TMEM161B: variants seen among roughly 807,000 people sequenced by gnomAD.
TMEM161B encodes transmembrane protein 161B.
A neutral mutation model predicts 61.8 loss-of-function variants in TMEM161B; 34 were observed. That is an observed-to-expected ratio of 0.55 (90% CI 0.42 to 0.73). The LOEUF (loss-of-function observed/expected upper bound fraction) is 0.73, where lower values mean the gene tolerates loss of function less well. Among genes scored for constraint, TMEM161B ranks in the 30% least tolerant of loss-of-function variants. The pLI is 0.00. For missense variants in TMEM161B, 456 were observed against 558.5 expected, an observed-to-expected ratio of 0.82 and a Z score of 1.85; for synonymous variants, 167 against 192.8, an observed-to-expected ratio of 0.87 and a Z score of 1.11.
intron 1 of TMEM161B, among the ~76,000 whole-genome samples, chr5:88,253,043 A>C (rs1391206563): frequency 2.0e-5 from 3 of 152,224 alleles, no homozygotes; most frequent in Non-Finnish European, 4.4e-5. Flanking sequence ...GTCTGATGAA[A>C]TATACAAAAT....
At chr5:88,215,814 A>T (rs760527787) in intron 5 of TMEM161B, among the ~76,000 whole-genome samples, 6 of 152,246 alleles carry the variant, frequency 3.9e-5, no homozygotes, top group Non-Finnish European at 7.3e-5. Flanking sequence ...CATAAACAAT[A>T]TGAATAGCTA....
intron 5 of TMEM161B, among the ~76,000 whole-genome samples, chr5:88,217,019 T>C (rs534963096): frequency 1.3e-4 from 20 of 152,310 alleles, no homozygotes; most frequent in African/African-American, 4.8e-4. Flanking sequence ...AAAAGTACTG[T>C]AGACATGAGG....
intron 1 of TMEM161B, among the ~76,000 whole-genome samples, chr5:88,265,194 T>C (rs934488145): frequency 3.3e-5 from 5 of 152,166 alleles, no homozygotes; most frequent in Non-Finnish European, 7.4e-5. Flanking sequence ...TCACAGGTGA[T>C]TCCTATGCAA....
At chr5:88,227,130 C>CA (rs1372615622) in intron 3 of TMEM161B, among the ~76,000 whole-genome samples, 2 of 152,092 alleles carry the variant, frequency 1.3e-5, no homozygotes, top group African/African-American at 4.8e-5. Context: ...GTTGAAGCCA[C>CA]AGTGAGCCAG....
intron 1 of TMEM161B, among the ~76,000 whole-genome samples, chr5:88,254,812 G>A (rs1188985373): frequency 5.3e-5 from 8 of 151,430 alleles, no homozygotes; most frequent in East Asian, 1.9e-4. Context: ...ACTGTACTCC[G>A]GCCTGACAAA....
chr5:88,219,606 G>A (rs1323206194), intron 5 of TMEM161B, among the ~76,000 whole-genome samples: 1 of 151,838 alleles, frequency 6.6e-6, no homozygotes, highest in Non-Finnish European at 1.5e-5. Flanking sequence ...GCTTCCAGAG[G>A]GTTTATGTAC....
chr5:88,203,482 T>C (rs1744799090), intron 8 of TMEM161B, among the ~76,000 whole-genome samples: 1 of 151,808 alleles, frequency 6.6e-6, no homozygotes, highest in Non-Finnish European at 1.5e-5. Flanking sequence ...GGATTTTCAG[T>C]ACAGAAGAGT....
At chr5:88,240,686 T>C (rs963812176) in intron 2 of TMEM161B, 127 bp downstream of exon 2, 29 of 769,108 alleles carry the variant, frequency 3.8e-5, no homozygotes, top group Non-Finnish European at 4.2e-6. Context: ...TTAAGAGAAA[T>C]AAGAAAGCTA....
At chr5:88,229,502 T>TA (rs1488138397) in intron 2 of TMEM161B, among the ~76,000 whole-genome samples, 6 of 150,852 alleles carry the variant, frequency 4.0e-5, no homozygotes. Flanking sequence ...TTTTTTTTTT[T>TA]TATCTTACAG....
chr5:88,224,537 A>G (rs1404551137), intron 4 of TMEM161B, among the ~76,000 whole-genome samples: 1 of 152,248 alleles, frequency 6.6e-6, no homozygotes, highest in Non-Finnish European at 1.5e-5. Context: ...TTGGAAATAA[A>G]TGGATGAAAG....
At chr5:88,211,366 A>G (rs1746710478) in intron 5 of TMEM161B, among the ~76,000 whole-genome samples, 1 of 152,044 alleles carries the variant, frequency 6.6e-6, no homozygotes. Flanking sequence ...TCAGGATGCT[A>G]TGAAAAATGA....
At chr5:88,222,332 G>A (rs1176366067) in intron 4 of TMEM161B, among the ~76,000 whole-genome samples, 1 of 152,086 alleles carries the variant, frequency 6.6e-6, no homozygotes, top group Non-Finnish European at 1.5e-5. Context: ...GCCTCCAAAA[G>A]AGGTGGGATT....
intron 2 of TMEM161B, among the ~76,000 whole-genome samples, chr5:88,239,146 T>C (rs1752336517): frequency 1.3e-5 from 2 of 152,004 alleles, no homozygotes; most frequent in South Asian, 4.1e-4. Context: ...CCAATATTAA[T>C]AAAGATAATC....
intron 5 of TMEM161B, among the ~76,000 whole-genome samples, chr5:88,215,508 T>A (rs369375138): frequency 7.1e-6 from 1 of 140,984 alleles, no homozygotes; most frequent in African/African-American, 2.6e-5. Context: ...AAAAAAAAAA[T>A]CACATACTCA....
intron 1 of TMEM161B, among the ~76,000 whole-genome samples, chr5:88,247,644 T>C (rs965390367): frequency 8.5e-5 from 13 of 152,116 alleles, no homozygotes; most frequent in Non-Finnish European, 1.9e-4. Context: ...CAAAAGAAGA[T>C]GTAAACTGCC....
At chr5:88,187,126 C>T (rs895702268), downstream of TMEM161B, among the ~76,000 whole-genome samples, 2 of 152,152 alleles carry the variant, frequency 1.3e-5, no homozygotes, top group Non-Finnish European at 2.9e-5. Flanking sequence ...ACTCTCCTTT[C>T]CCCATTGTAT....
At chr5:88,221,552 CA>C (rs1185806231) in intron 4 of TMEM161B, 2 of 365,568 alleles carry the variant, frequency 5.5e-6, no homozygotes, top group African/African-American at 2.1e-5. Context: ...TTTTGTTCTG[CA>C]AAAAAGTTTA....
downstream of TMEM161B, among the ~76,000 whole-genome samples, chr5:88,191,982 GTATATATATATATATATA>G (rs67658909): frequency 0.066 from 1,307 of 19,690 alleles, 70 homozygotes; most frequent in Middle Eastern, 0.2. Flanking sequence ...AAAAAAAAGT[GTATATATATATATATATA>G]TATATATATA....
intron 2 of TMEM161B, among the ~76,000 whole-genome samples, chr5:88,235,522 A>G (rs1327830814): frequency 6.6e-6 from 1 of 152,088 alleles, no homozygotes; most frequent in African/African-American, 2.4e-5. Flanking sequence ...TTGCCCTTTT[A>G]AAAGGAGGTC....
Sources: gnomAD v4.1 joint callset for allele counts (sites outside exome capture counted in the v4.1 genomes callset) on GRCh38, gnomAD v4.1.1 for gene constraint, MANE v1.5 for transcripts, NCBI Gene and HGNC (gene_info 2026-07-23, HGNC 2026-07-21) for gene names.